The following CALD1 variants were observed in gnomAD, a reference collection of about 807,000 sequenced individuals.
CALD1 encodes caldesmon 1.
CALD1 carries 33 observed loss-of-function variants against 99.9 expected under a neutral mutation model. The observed-to-expected ratio is 0.33, with a 90% confidence interval of 0.25 to 0.44. CALD1 has a LOEUF of 0.44. CALD1 is among the 20% of genes least tolerant of loss of function. The probability of loss-of-function intolerance (pLI) is 1.00; values close to 1 mark genes in which losing one functional copy is unlikely to be tolerated. For missense variants in CALD1, 861 were observed against 962.1 expected (o/e 0.89, Z 1.39); for synonymous variants, 310 against 325.0 (o/e 0.95, Z 0.50).
chr7:134,723,534 CTTTTTTT>C, the CALD1 span, among the ~76,000 whole-genome samples: 59 of 87,692 alleles, frequency 6.7e-4, no homozygotes, highest in Non-Finnish European at 1.1e-3. Flanking sequence ...GAAAAGGTAA[CTTTTTTT>C]TTTTTTTTTT....
chr7:134,804,489 A>T (rs185775026), intron 1 of CALD1, among the ~76,000 whole-genome samples: 1 of 152,278 alleles, frequency 6.6e-6, no homozygotes, highest in Admixed American at 6.5e-5. Context: ...TGCTGTTCTA[A>T]ATCTTCACTT....
intron 2 of CALD1, among the ~76,000 whole-genome samples, chr7:134,846,002 C>A (rs1249446951): frequency 1.3e-5 from 2 of 152,148 alleles, no homozygotes; most frequent in Non-Finnish European, 2.9e-5. Context: ...TCCTACCCAC[C>A]TTTGCTCCCT....
chr7:134,874,318 G>A (rs1240949582), intron 3 of CALD1, among the ~76,000 whole-genome samples: 3 of 151,622 alleles, frequency 2.0e-5, no homozygotes, highest in Non-Finnish European at 2.9e-5. Flanking sequence ...TCAGCCTCTC[G>A]AGTAGGCACA....
At chr7:134,785,964 T>C in intron 1 of CALD1, among the ~76,000 whole-genome samples, 1 of 152,166 alleles carries the variant, frequency 6.6e-6, no homozygotes, top group East Asian at 1.9e-4. Flanking sequence ...TAACTTTTCA[T>C]CTGTATGCCA....
At position 134,968,935 on chromosome 7, in the gene CALD1, A is replaced by G. The variant is rs1020401279; in HGVS notation, c.*590A>G. 2 of 176,652 alleles carry G rather than the reference A, an allele frequency of 1.1e-5. No individual in the cohort carries two copies. Among genetic ancestry groups the G allele is most frequent in the African/African-American group, 4.8e-5 (2 of 41,968 alleles). The allele number at this position is 176,652 out of a possible 1,614,324, so 10.9% of individuals were successfully genotyped here. ...TGATTCATATCTAAATTACATTATT[A>G]TGTTAGCTGACAGTGGTACTGATTT... On this transcript the variant is annotated 3_prime_UTR_variant, in exon 15 of 15. Transcript: ENST00000361675.
At position 134,867,802 on chromosome 7, in the gene CALD1, A is replaced by C; in HGVS notation, c.69A>C (p.Glu23Asp). The C allele has an allele frequency of 6.3e-7, 1 of 1,595,504 alleles. No individual in the cohort carries two copies. Among genetic ancestry groups the C allele is most frequent in the Non-Finnish European group, 8.6e-7 (1 of 1,165,084 alleles). The change falls in exon 3 of 15, where the codon GAA becomes GAC. Residue 23 changes from glutamate (E) to aspartate (D), a missense_variant and splice_region_variant. Physicochemically the swap from Glu to Asp is conservative, Grantham distance 45 (BLOSUM62 2). This residue lies in a region of CALD1 where 123 missense variants were observed against 169.8 expected (regional missense o/e 0.72). Coordinates refer to ENST00000361675, the MANE Select transcript of CALD1 (RefSeq NM_033138.4). ...QKREEMRLEAERIAYQRNDDD... is the reference protein window; with the variant it reads ...QKREEMRLEADRIAYQRNDDD... ...GGGAGGAGATGCGACTCGAAGCAGA[A>C]AGGTAAGGATCTAGGGTGAAAAATA...
At chr7:134,912,119 A>G (rs1803858851) in intron 3 of CALD1, among the ~76,000 whole-genome samples, 1 of 152,222 alleles carries the variant, frequency 6.6e-6, no homozygotes, top group Non-Finnish European at 1.5e-5. Flanking sequence ...AGAAAGCTTT[A>G]CTGATGTTCG....
chr7:134,846,908 A>C (rs1179794010), intron 2 of CALD1, among the ~76,000 whole-genome samples: 2 of 152,222 alleles, frequency 1.3e-5, no homozygotes, highest in Non-Finnish European at 2.9e-5. Flanking sequence ...TTTTATGCAA[A>C]TTACTAATTA....
chr7:134,776,549 C>G (rs1585907493), upstream of CALD1, among the ~76,000 whole-genome samples: 1 of 152,228 alleles, frequency 6.6e-6, no homozygotes, highest in East Asian at 1.9e-4. Context: ...CATAAGTGCA[C>G]TTAATCCAAA....
At chr7:134,875,023 A>G (rs1220113873) in intron 3 of CALD1, among the ~76,000 whole-genome samples, 4 of 152,166 alleles carry the variant, frequency 2.6e-5, no homozygotes, top group African/African-American at 7.2e-5. Context: ...AAATGAAATT[A>G]CTGTTATTTT....
intron 1 of CALD1, among the ~76,000 whole-genome samples, chr7:134,789,476 T>C (rs1187293547): frequency 6.6e-6 from 1 of 152,248 alleles, no homozygotes; most frequent in Non-Finnish European, 1.5e-5. Context: ...AGTTTGAATC[T>C]CAAATTTACC....
At chr7:134,713,595 A>G in the CALD1 span, among the ~76,000 whole-genome samples, 2 of 152,334 alleles carry the variant, frequency 1.3e-5, no homozygotes, top group Admixed American at 1.3e-4. Context: ...TTAGTATGGA[A>G]AACATGACAT....
At chr7:134,804,810 C>A (rs1436104173) in intron 1 of CALD1, among the ~76,000 whole-genome samples, 1 of 152,234 alleles carries the variant, frequency 6.6e-6, no homozygotes, top group Non-Finnish European at 1.5e-5. Context: ...AACCTCCCAA[C>A]AGGGTCTCCT....
In CALD1 at chr7:134,786,932, C is replaced by G. The variant is rs529351921; in HGVS notation, c.-130+7183C>G. Reference sequence around the variant, plus strand: ...GAAAATACACATCCCTGAGACCTATCCTCTAGAGATTCTGATTCGGTAGGT... The same window carrying G: ...GAAAATACACATCCCTGAGACCTATGCTCTAGAGATTCTGATTCGGTAGGT... On this transcript the variant is annotated intron_variant, in intron 1 of 14. Coordinates refer to ENST00000361675, the MANE Select transcript of CALD1 (RefSeq NM_033138.4). Among the ~76,000 whole-genome samples the G allele has an allele frequency of 1.1e-3, 160 of 152,298 alleles. 1 individual carries two copies. Among genetic ancestry groups the G allele is most frequent in the Non-Finnish European group, 1.9e-3 (126 of 68,024 alleles).
intron 6 of CALD1, among the ~76,000 whole-genome samples, chr7:134,939,295 G>A (rs1806241628): frequency 6.6e-6 from 1 of 152,196 alleles, no homozygotes; most frequent in Non-Finnish European, 1.5e-5. Flanking sequence ...AGAGGGAAAT[G>A]ACAGGATGAA....
chr7:134,940,995 GCCTT>G, intron 6 of CALD1, 93 bp from the exon 7 acceptor site: 1 of 935,834 alleles, frequency 1.1e-6, no homozygotes, highest in Non-Finnish European at 1.6e-6. Context: ...TGAGTTTTCT[GCCTT>G]CCTAACAATT....
chr7:134,725,497 T>C, the CALD1 span, among the ~76,000 whole-genome samples: 36 of 151,586 alleles, frequency 2.4e-4, no homozygotes, highest in African/African-American at 7.8e-4. Flanking sequence ...ATGTATAGCA[T>C]TAATATCACC....
intron 1 of CALD1, among the ~76,000 whole-genome samples, chr7:134,838,499 G>A (rs1195812868): frequency 2.0e-5 from 3 of 152,220 alleles, no homozygotes; most frequent in Non-Finnish European, 4.4e-5. Context: ...TGGTGAAATT[G>A]CATGGCATTC....
chr7:134,777,386 T>C (rs1367218818), upstream of CALD1, among the ~76,000 whole-genome samples: 3 of 152,228 alleles, frequency 2.0e-5, no homozygotes, highest in Non-Finnish European at 4.4e-5. Flanking sequence ...GGAAACATAC[T>C]ATTTTTTTTA....
Sources: allele counts gnomAD v4.1 joint callset (sites outside exome capture counted in the v4.1 genomes callset), GRCh38; gene constraint gnomAD v4.1.1; regional missense constraint gnomAD v4.1.1; transcripts MANE v1.5; gene names NCBI Gene and HGNC (gene_info 2026-07-23, HGNC 2026-07-21).